Variants in PPP5C observed in about 807,000 individuals in gnomAD.
PPP5C encodes the protein serine/threonine-protein phosphatase 5.
Under a neutral mutation model 66.7 loss-of-function variants are expected in PPP5C, and 21 were observed. The ratio of observed to expected loss-of-function variants is 0.31; its 90% CI spans 0.22 to 0.45. The LOEUF (loss-of-function observed/expected upper bound fraction) is 0.45, where lower values mean the gene tolerates loss of function less well. Ranked by LOEUF, PPP5C falls within the 20% of genes least tolerant of loss-of-function variation. PPP5C has a pLI of 1.00. For missense variants in PPP5C, 464 were observed against 675.9 expected, an observed-to-expected ratio of 0.69 and a Z score of 3.48; for synonymous variants, 246 against 257.4, an observed-to-expected ratio of 0.96 and a Z score of 0.43.
At chr19:46,363,996 A>G (rs1408125906) in intron 2 of PPP5C, among the ~76,000 whole-genome samples, 4 of 152,172 alleles carry the variant, frequency 2.6e-5, no homozygotes, top group Non-Finnish European at 2.9e-5. Flanking sequence ...CAAAGGTGGC[A>G]AGAGGAAGGA....
At chr19:46,370,557 G>A (rs1033005557) in intron 2 of PPP5C, among the ~76,000 whole-genome samples, 1 of 152,166 alleles carries the variant, frequency 6.6e-6, no homozygotes, top group Admixed American at 6.6e-5. Context: ...GTCCATGGTG[G>A]TTCGCTTGGC....
At position 46,359,745 on chromosome 19, in the gene PPP5C, C is replaced by T. The variant is rs75459165; in HGVS notation, c.363+5756C>T. On this transcript the variant is annotated intron_variant, in intron 2 of 12. Coordinates refer to ENST00000012443, the MANE Select transcript of PPP5C (RefSeq NM_006247.4). ...ACCATATAGACTCCTTTTAAGTTGGCTTTCCCGGAAAATGAGGAATTTCGG... is the reference window on the plus strand; with the variant it reads ...ACCATATAGACTCCTTTTAAGTTGGTTTTCCCGGAAAATGAGGAATTTCGG... Among the ~76,000 whole-genome samples, 121 of 147,066 alleles carry T rather than the reference C, an allele frequency of 8.2e-4. 1 individual carries two copies. In the East Asian group the frequency reaches 0.023, roughly 28 times the overall value.
At chr19:46,378,772 C>T (rs1972739463) in intron 4 of PPP5C, among the ~76,000 whole-genome samples, 1 of 152,148 alleles carries the variant, frequency 6.6e-6, no homozygotes, top group Admixed American at 6.5e-5. Flanking sequence ...TATTTGCATG[C>T]TATAACTTTT....
chr19:46,388,811 T>C lies in PPP5C; in HGVS notation c.1355+80T>C, dbSNP rs1340314253. On this transcript the variant is annotated intron_variant, in intron 11 of 12. Transcript: ENST00000012443. The surrounding 1 kb of genome is among the most constrained non-coding windows in gnomAD (Gnocchi z 4.9). ...TGGTTTTTGTTTTGCCTTTTTATGATGGAACATTTCAAAGACAGGCAAGAG... is the reference window on the plus strand; with the variant it reads ...TGGTTTTTGTTTTGCCTTTTTATGACGGAACATTTCAAAGACAGGCAAGAG... 5 of 1,509,636 alleles carry C rather than the reference T, an allele frequency of 3.3e-6. No homozygotes were observed. Among genetic ancestry groups the C allele is most frequent in the Non-Finnish European group, 4.5e-6 (5 of 1,109,640 alleles). 93.5% of individuals were successfully genotyped at this position (1,509,636 alleles called of 1,614,324 possible). A position where few individuals can be genotyped will look rare whatever the true frequency, so the allele number is the denominator to read the frequency against.
intron 2 of PPP5C, among the ~76,000 whole-genome samples, chr19:46,370,916 A>G (rs1265255309): frequency 6.6e-6 from 1 of 151,860 alleles, no homozygotes; most frequent in Non-Finnish European, 1.5e-5. Flanking sequence ...AATTTTTTAT[A>G]TTTTTAGTAG....
chr19:46,383,060 T>C lies in PPP5C; in HGVS notation c.634-351T>C. 1 of 1,114,746 alleles carries C rather than the reference T, an allele frequency of 9.0e-7. No homozygotes were observed. The highest frequency in any genetic ancestry group is 5.6e-5 in the East Asian group (1 of 18,012). 69.1% of individuals were successfully genotyped at this position (1,114,746 alleles called of 1,614,324 possible). A position where few individuals can be genotyped will look rare whatever the true frequency, so the allele number is the denominator to read the frequency against. ...CTCACTTCTTTTTTGGGAGACTCTT[T>C]TATGACAGTGACATTGCGCTGTGTC... On this transcript the variant is annotated intron_variant, in intron 4 of 12. Coordinates refer to ENST00000012443, the MANE Select transcript of PPP5C (RefSeq NM_006247.4). The surrounding 1 kb of genome is among the most constrained non-coding windows in gnomAD (Gnocchi z 5.0).
At position 46,390,558 on chromosome 19, in the gene PPP5C, G is replaced by A; in HGVS notation, c.*212G>A. The A allele has an allele frequency of 7.1e-7, 1 of 1,409,698 alleles. No homozygotes were observed. Among genetic ancestry groups the A allele is most frequent in the East Asian group, 2.6e-5 (1 of 38,410 alleles). The allele number at this position is 1,409,698 out of a possible 1,614,324, so 87.3% of individuals were successfully genotyped here. ...GTCTGCTCCCTGGACAGAGAGGAAG[G>A]AGGTGGAGCAGCTGGGGCTGGGGGC... On this transcript the variant is annotated 3_prime_UTR_variant, in exon 13 of 13. Transcript: ENST00000012443.
In PPP5C at chr19:46,390,786, AC is replaced by A; in HGVS notation, c.*446del. The A allele has an allele frequency of 8.9e-7, 1 of 1,122,796 alleles. No homozygotes were observed. The allele number at this position is 1,122,796 out of a possible 1,614,324, so 69.6% of individuals were successfully genotyped here. ...CCATGGTGGGGCTAGGCTGGGGCTCACCCCCCTCCCCAGCTATTTTATGTCT... is the reference window on the plus strand; with the variant it reads ...CCATGGTGGGGCTAGGCTGGGGCTCACCCCCTCCCCAGCTATTTTATGTCT... On this transcript the variant is annotated 3_prime_UTR_variant, in exon 13 of 13. Transcript: ENST00000012443.
Position 46,383,302 on chromosome 19 carries a change from T to G in PPP5C, c.634-109T>G, listed in dbSNP as rs1209357041. On this transcript the variant is annotated intron_variant, in intron 4 of 12. Transcript: ENST00000012443. This position sits in a 1 kb window ranked among gnomAD's most constrained non-coding sequence, Gnocchi z 5.0. The stretch of plus-strand genomic sequence containing the variant: ...CTGCCCTTTTTCTTCTCTCCCTGCT[T>G]CTCCCTCGCCCTCAGCCCAGCAGCG... 1.3e-6 allele frequency: 2 copies of G among 1,553,606 alleles called. No individual in the cohort carries two copies. The highest frequency in any genetic ancestry group is 8.7e-7 in the Non-Finnish European group (1 of 1,148,578).
chr19:46,374,658 T>C (rs1166329438), intron 2 of PPP5C, among the ~76,000 whole-genome samples: 1 of 152,134 alleles, frequency 6.6e-6, no homozygotes, highest in Non-Finnish European at 1.5e-5. Flanking sequence ...CCATGCCTAT[T>C]GTGTATGATC....
intron 9 of PPP5C, chr19:46,387,896 C>T: frequency 7.7e-6 from 3 of 387,732 alleles, no homozygotes; most frequent in East Asian, 7.2e-5. Flanking sequence ...GAGGTTTGAG[C>T]TGACACTGCG....
Position 46,387,350 on chromosome 19 carries a change from T to A in PPP5C, c.1048-16T>A, listed in dbSNP as rs763493000. 6.2e-7 allele frequency: 1 copy of A among 1,606,304 alleles called. No individual in the cohort carries two copies. The highest frequency in any genetic ancestry group is 8.5e-7 in the Non-Finnish European group (1 of 1,173,974). The stretch of plus-strand genomic sequence containing the variant: ...GGTGGCACCTTCCCTCACAGCGGCA[T>A]CCCCCATCTCCCCAGATCATGCACG... On this transcript the variant is annotated splice_polypyrimidine_tract_variant and intron_variant, in intron 8 of 12. Transcript: ENST00000012443.
In PPP5C at chr19:46,387,679, C is replaced by T. The variant is rs753933023; in HGVS notation, c.1135+226C>T. The stretch of plus-strand genomic sequence containing the variant: ...TGGTGCGGGGTGAAGGCACGGTGAC[C>T]GCCGAGCACACCTGTCCTTATTTAT... On this transcript the variant is annotated intron_variant, in intron 9 of 12. Coordinates refer to ENST00000012443, the MANE Select transcript of PPP5C (RefSeq NM_006247.4). The T allele has an allele frequency of 2.5e-5, 37 of 1,473,448 alleles. No homozygotes were observed. In the African/African-American group the frequency reaches 2.9e-4, roughly 12 times the overall value. 91.3% of individuals were successfully genotyped at this position (1,473,448 alleles called of 1,614,324 possible). A position where few individuals can be genotyped will look rare whatever the true frequency, so the allele number is the denominator to read the frequency against.
At chr19:46,365,674 A>C (rs926493365) in intron 2 of PPP5C, among the ~76,000 whole-genome samples, 1 of 152,118 alleles carries the variant, frequency 6.6e-6, no homozygotes, top group African/African-American at 2.4e-5. Flanking sequence ...AGGCCCTTTA[A>C]GACTCCAACA....
At chr19:46,369,971 C>G (rs932979742) in intron 2 of PPP5C, among the ~76,000 whole-genome samples, 2 of 148,810 alleles carry the variant, frequency 1.3e-5, no homozygotes, top group African/African-American at 4.9e-5. Flanking sequence ...CTGTTTAGGG[C>G]ACTTACCATG....
rs1186347547 is a variant in PPP5C, at chr19:46,347,142, C to T, written c.46C>T (p.Arg16Trp). The T allele has an allele frequency of 1.9e-6, 3 of 1,604,954 alleles. No homozygotes were observed. The highest frequency in any genetic ancestry group is 1.1e-5 in the South Asian group (1 of 89,568). ...GERTECAEPP[R>W]DEPPADGALK... The stretch of plus-strand genomic sequence containing the variant: ...GAGGACTGAGTGTGCTGAGCCCCCC[C>T]GGGACGAACCCCCGGCTGATGGAGC... Residue 16 changes from arginine (R) to tryptophan (W), a missense_variant, in exon 1 of 13, where the codon CGG (arginine) becomes TGG (tryptophan). Transcript: ENST00000012443.
Position 46,390,346 on chromosome 19 carries a change from A to C in PPP5C, c.1500A>C (p.Ter500CysextTer40). 3 of 1,573,306 alleles carry C rather than the reference A, an allele frequency of 1.9e-6. No individual in the cohort carries two copies. Among genetic ancestry groups the C allele is most frequent in the Non-Finnish European group, 2.6e-6 (3 of 1,159,378 alleles). ...ANTLLQLGMM[*>C] ...CGCTGCTGCAGCTAGGAATGATGTG[A>C]GGTGACGGGCGGGGCGGCCTGCATC... The change falls in exon 13 of 13, where the codon TGA becomes TGC. Residue 500 changes from the stop codon to cysteine, a stop_lost. Transcript: ENST00000012443.
chr19:46,358,102 T>C (rs1972318988), intron 2 of PPP5C, among the ~76,000 whole-genome samples: 1 of 152,196 alleles, frequency 6.6e-6, no homozygotes, highest in South Asian at 2.1e-4. Flanking sequence ...CACATCACTT[T>C]GGAGATTCCA....
intron 2 of PPP5C, among the ~76,000 whole-genome samples, chr19:46,370,741 GTCTC>G (rs139564201): frequency 0.11 from 17,123 of 151,724 alleles, 1,515 homozygotes; most frequent in East Asian, 0.39. Context: ...CTGTGTGTAT[GTCTC>G]TCTCTTTTTT....
Sources: gnomAD v4.1 joint callset for allele counts (sites outside exome capture counted in the v4.1 genomes callset) on GRCh38, gnomAD v4.1.1 for gene constraint, Gnocchi (gnomAD v3.1) non-coding constraint, MANE v1.5 for transcripts, NCBI Gene and HGNC (gene_info 2026-07-23, HGNC 2026-07-21) for gene names.